CASP5: variants seen among roughly 807,000 people sequenced by gnomAD.
CASP5 encodes the protein caspase-5.
A neutral mutation model predicts 45.2 loss-of-function variants in CASP5; 42 were observed. The ratio of observed to expected loss-of-function variants is 0.93; its 90% CI spans 0.73 to 1.20. CASP5 has a LOEUF of 1.20. Among genes scored for constraint, CASP5 ranks in the 50% most tolerant of loss-of-function variants. The pLI, the probability that CASP5 is intolerant of heterozygous loss-of-function variation, is 0.00. For missense variants in CASP5, 512 were observed against 532.2 expected (o/e 0.96, Z 0.37); for synonymous variants, 209 against 186.2 (o/e 1.12, Z -1.00).
Position 105,008,762 on chromosome 11 carries a change from A to T in CASP5, c.181+45T>A, listed in dbSNP as rs777767473. ...CTGCATGGGACTTATAATTGAACAG[A>T]TTCTAAAAAATTGGAAATATCCATT... On this transcript the variant is annotated intron_variant, in intron 2 of 9. Transcript: ENST00000260315. The T allele has an allele frequency of 2.7e-5, 38 of 1,400,956 alleles. No individual in the cohort carries two copies. In the Admixed American group the frequency reaches 4.0e-4, roughly 15 times the overall value. The allele number at this position is 1,400,956 out of a possible 1,614,324, so 86.8% of individuals were successfully genotyped here.
At chr11:105,004,739 A>G (rs1258885660) in intron 3 of CASP5, among the ~76,000 whole-genome samples, 2 of 152,180 alleles carry the variant, frequency 1.3e-5, no homozygotes, top group Admixed American at 6.5e-5. Context: ...TGGGAATGCA[A>G]TAAGTTCTAA....
chr11:104,997,228 C>T (rs1861505348), intron 8 of CASP5, among the ~76,000 whole-genome samples, 155 bp downstream of exon 8: 1 of 152,144 alleles, frequency 6.6e-6, no homozygotes, highest in African/African-American at 2.4e-5. Context: ...TTTTCTTTCT[C>T]TAAAGCAGAT....
chr11:105,003,287 T>C lies in CASP5; in HGVS notation c.530A>G (p.Lys177Arg), dbSNP rs1335563731. The change falls in exon 4 of 10, where the codon AAA becomes AGA. Residue 177 changes from lysine (K) to arginine (R), a missense_variant. Transcript: ENST00000260315. ...AGAGCACAGCACCTCATCATGATTT[T>C]TTTTACACAGTCTCAGGAATTCTTC... ...PREEFLRLCK[K>R]NHDEIYPIKK... The C allele has an allele frequency of 1.3e-6, 2 of 1,595,578 alleles. No homozygotes were observed. Among genetic ancestry groups the C allele is most frequent in the East Asian group, 2.2e-5 (1 of 44,566 alleles).
chr11:105,014,873 CT>C (rs1211896991), intron 1 of CASP5, among the ~76,000 whole-genome samples: 2 of 152,158 alleles, frequency 1.3e-5, no homozygotes, highest in Non-Finnish European at 2.9e-5. Context: ...CATGAGCACA[CT>C]GTGTTTCAGG....
At chr11:105,017,564 A>T (rs1262476410) in intron 1 of CASP5, among the ~76,000 whole-genome samples, 1 of 152,208 alleles carries the variant, frequency 6.6e-6, no homozygotes, top group East Asian at 1.9e-4. Context: ...CAGCGATGGA[A>T]GATGAAGTGA....
intron 1 of CASP5, among the ~76,000 whole-genome samples, chr11:105,015,112 T>C (rs497638): frequency 0.15 from 23,408 of 152,056 alleles, 2,095 homozygotes; most frequent in Admixed American, 0.26. Flanking sequence ...GATAGGGCCA[T>C]CATTTGAAGA....
At chr11:105,007,442 T>G in intron 2 of CASP5, 108 bp from the exon 3 acceptor site, 1 of 1,076,538 alleles carries the variant, frequency 9.3e-7, no homozygotes, top group Non-Finnish European at 1.3e-6. Flanking sequence ...ATACATTCTA[T>G]TTTACCATGT....
At chr11:104,995,042 GC>G (rs1448966931) in intron 9 of CASP5, 4 of 151,560 alleles carry the variant, frequency 2.6e-5, no homozygotes, top group Admixed American at 6.6e-5. Context: ...GCCATTTGCA[GC>G]AGGGAGAAGC....
intron 5 of CASP5, among the ~76,000 whole-genome samples, chr11:105,001,365 G>C (rs958686318): frequency 3.9e-5 from 6 of 152,158 alleles, no homozygotes; most frequent in African/African-American, 1.4e-4. Context: ...TTTAATATTT[G>C]TTTTAAGAGT....
rs772831264 is a variant in CASP5 at position 104,997,510 on chromosome 11, G to A, written c.1097-18C>T. The A allele has an allele frequency of 1.0e-5, 15 of 1,494,828 alleles. No homozygotes were observed. In the South Asian group the frequency reaches 1.6e-4, roughly 16 times the overall value. 92.6% of individuals were successfully genotyped at this position (1,494,828 alleles called of 1,614,324 possible). On this transcript the variant is annotated intron_variant, in intron 7 of 9. Transcript: ENST00000260315. ...CACGTTATCTATGATGATACAGCCT[G>A]GTATGCCTTGGGCTACGACTTTCAC... is the stretch of plus-strand genomic sequence containing the variant.
Position 104,997,493 on chromosome 11 carries a change from C to T in CASP5, c.1097-1G>A, listed in dbSNP as rs201509715. On this transcript the variant is annotated splice_acceptor_variant, in intron 7 of 9. Transcript: ENST00000260315. LOFTEE classifies it high-confidence loss of function. ...GTGCGGTCTCTCCAGGACACGTTATCTATGATGATACAGCCTGGTATGCCT... is the reference window on the plus strand; with the variant it reads ...GTGCGGTCTCTCCAGGACACGTTATTTATGATGATACAGCCTGGTATGCCT... 8 of 1,595,208 alleles carry T rather than the reference C, an allele frequency of 5.0e-6. No individual in the cohort carries two copies. The African/African-American group carries it at 1.1e-4, about 21-fold the overall frequency.
rs1245540977 is a variant in CASP5, at chr11:105,003,270, G to C, written c.543+4C>G. On this transcript the variant is annotated splice_donor_region_variant and intron_variant, in intron 4 of 9. Transcript: ENST00000260315. ...TTCCCCATTTCATACAGAGAGCACA[G>C]CACCTCATCATGATTTTTTTTACAC... is the stretch of plus-strand genomic sequence containing the variant. 14 of 1,502,146 alleles carry C rather than the reference G, an allele frequency of 9.3e-6. No individual in the cohort carries two copies. The highest frequency in any genetic ancestry group is 1.3e-5 in the Non-Finnish European group (14 of 1,081,518). 93.1% of individuals were successfully genotyped at this position (1,502,146 alleles called of 1,614,324 possible). A position where few individuals can be genotyped will look rare whatever the true frequency, so the allele number is the denominator to read the frequency against.
rs1336578592 is a variant in CASP5, at chr11:105,007,127, G to T, written c.389C>A (p.Thr130Asn). The change falls in exon 3 of 10, where the codon ACC becomes AAC. Residue 130 changes from threonine (T) to asparagine (N), a missense_variant. Transcript: ENST00000260315. ...TTGGTCCATATTGAGAAGTGTTTGG[G>T]TAAACATTTGATGAGCCACGCGATT... is the stretch of plus-strand genomic sequence containing the variant. The part of the protein sequence containing the change: ...RKNRVAHQMF[T>N]QTLLNMDQKI... The T allele has an allele frequency of 6.2e-7, 1 of 1,613,524 alleles. No homozygotes were observed. Among genetic ancestry groups the T allele is most frequent in the Non-Finnish European group, 8.5e-7 (1 of 1,179,520 alleles).
At chr11:105,004,043 T>C (rs1264620026) in intron 3 of CASP5, among the ~76,000 whole-genome samples, 1 of 152,078 alleles carries the variant, frequency 6.6e-6, no homozygotes, top group Non-Finnish European at 1.5e-5. Flanking sequence ...TGATAGAATA[T>C]TGAATCCTGT....
chr11:105,009,773 A>ATC (rs1862208861), intron 1 of CASP5, among the ~76,000 whole-genome samples: 1 of 57,392 alleles, frequency 1.7e-5, no homozygotes. Context: ...ACACACACGT[A>ATC]TATATATATA....
chr11:105,004,965 A>G (rs1428607162), intron 3 of CASP5, among the ~76,000 whole-genome samples: 1 of 151,726 alleles, frequency 6.6e-6, no homozygotes, highest in African/African-American at 2.4e-5. Context: ...TGTGTGTAGA[A>G]CAGGTGTTTT....
At chr11:105,004,094 T>C (rs1861886369) in intron 3 of CASP5, among the ~76,000 whole-genome samples, 1 of 152,154 alleles carries the variant, frequency 6.6e-6, no homozygotes, top group East Asian at 1.9e-4. Flanking sequence ...TGTGAATTAA[T>C]AATTATTCTA....
intron 3 of CASP5, 34 bp from the exon 4 acceptor site, chr11:105,003,417 C>A (rs758703425): frequency 8.0e-7 from 1 of 1,247,078 alleles, no homozygotes; most frequent in South Asian, 1.3e-5. Context: ...ATTATGGTTT[C>A]TGCCTCTGTG....
chr11:105,001,636 G>C (rs1349473583), intron 5 of CASP5, among the ~76,000 whole-genome samples: 5 of 152,156 alleles, frequency 3.3e-5, no homozygotes, highest in Non-Finnish European at 7.3e-5. Flanking sequence ...CAGCCTGGGC[G>C]ACAGAGTGAG....
Sources: gnomAD v4.1 joint callset for allele counts (sites outside exome capture counted in the v4.1 genomes callset) on GRCh38, gnomAD v4.1.1 for gene constraint, MANE v1.5 for transcripts, NCBI Gene and HGNC (gene_info 2026-07-23, HGNC 2026-07-21) for gene names.